The following SIGLEC8 variants were observed in gnomAD, a reference collection of about 807,000 sequenced individuals.
The protein encoded by SIGLEC8 is sialic acid binding Ig like lectin 8.
SIGLEC8 carries 32 observed loss-of-function variants against 42.1 expected under a neutral mutation model. The observed-to-expected ratio is 0.76, with a 90% CI of 0.57 to 1.02. The LOEUF is 1.02. Among genes scored for constraint, SIGLEC8 ranks in the 50% least tolerant of loss-of-function variants. The pLI is 0.00. For missense variants in SIGLEC8, 611 were observed against 610.2 expected (o/e 1.00, Z -0.01); for synonymous variants, 262 against 260.3 (o/e 1.01, Z -0.06).
At position 51,454,444 on chromosome 19, in the gene SIGLEC8, C is replaced by G; in HGVS notation, c.1149-129G>C. 6.5e-7 allele frequency: 1 copy of G among 1,527,578 alleles called. No individual in the cohort carries two copies. Among genetic ancestry groups the G allele is most frequent in the Non-Finnish European group, 8.9e-7 (1 of 1,121,014 alleles). The allele number at this position is 1,527,578 out of a possible 1,614,324, so 94.6% of individuals were successfully genotyped here. A position where few individuals can be genotyped will look rare whatever the true frequency, so the allele number is the denominator to read the frequency against. ...GAGGCGCAACGGCGGTGGTCCAGTT[C>G]CAGAGACCCCAACGGTGAAAACAGA... On this transcript the variant is annotated intron_variant, in intron 5 of 6. Transcript: ENST00000321424. This position sits in a 1 kb window ranked among gnomAD's most constrained non-coding sequence, Gnocchi z 4.7.
chr19:51,452,283 G>C lies in SIGLEC8; in HGVS notation c.*96C>G. The C allele has an allele frequency of 2.8e-6, 3 of 1,060,288 alleles. No homozygotes were observed. Among genetic ancestry groups the C allele is most frequent in the Non-Finnish European group, 2.7e-6 (2 of 732,594 alleles). The allele number at this position is 1,060,288 out of a possible 1,614,324, so 65.7% of individuals were successfully genotyped here. On this transcript the variant is annotated 3_prime_UTR_variant, in exon 7 of 7. Transcript: ENST00000321424. ...TGGGTCCCTGGTAGCCGGGGAAAGG[G>C]GAGACATTGGTCCAAGTTTTGGTTA...
intron 3 of SIGLEC8, 29 bp from the exon 4 acceptor site, chr19:51,455,716 C>T (rs1989475092): frequency 6.3e-7 from 1 of 1,590,710 alleles, no homozygotes; most frequent in Non-Finnish European, 8.6e-7. Context: ...AGGGTCATCC[C>T]ATTACTGGGT....
chr19:51,456,683 G>A (rs1327729025), intron 3 of SIGLEC8, among the ~76,000 whole-genome samples: 1 of 152,148 alleles, frequency 6.6e-6, no homozygotes, highest in African/African-American at 2.4e-5. Context: ...CAAGACTCAG[G>A]GCAGCCTGGA....
chr19:51,457,893 A>G (rs1989536176), intron 1 of SIGLEC8, 41 bp downstream of exon 1: 3 of 1,600,196 alleles, frequency 1.9e-6, no homozygotes, highest in Admixed American at 1.7e-5. Flanking sequence ...TCAGCCCCTC[A>G]TGACCTTCCC....
In SIGLEC8 at chr19:51,452,410, T is replaced by C; in HGVS notation, c.1469A>G (p.His490Arg). The C allele has an allele frequency of 6.2e-7, 1 of 1,608,516 alleles. No homozygotes were observed. Among genetic ancestry groups the C allele is most frequent in the Non-Finnish European group, 8.5e-7 (1 of 1,175,276 alleles). ...TCTGACTTCTTTGCTGGAGGGGTTG[T>C]GATTCCTCAAACAGGCCTGAGTCTC... The part of the protein sequence containing the change: ...TAETQACLRN[H>R]NPSSKEVRG The change falls in exon 7 of 7, where the codon CAC (histidine) becomes CGC (arginine). Residue 490 changes from histidine (H) to arginine (R), a missense_variant. By Grantham distance (29) the His-to-Arg change is conservative. Transcript: ENST00000321424.
At position 51,451,334 on chromosome 19, in the gene SIGLEC8, A is replaced by C. The variant is rs1165964640; in HGVS notation, c.*1045T>G. ...TCAAACAAACAACCTGCAATAAAAAAAAACGTTTTAAATTGGGGGTAAACA... is the reference window on the plus strand; with the variant it reads ...TCAAACAAACAACCTGCAATAAAAACAAACGTTTTAAATTGGGGGTAAACA... On this transcript the variant is annotated 3_prime_UTR_variant, in exon 7 of 7. Transcript: ENST00000321424. 6.6e-6 allele frequency: 1 copy of C among 152,202 alleles called. No homozygotes were observed. Among genetic ancestry groups the C allele is most frequent in the Non-Finnish European group, 1.5e-5 (1 of 68,034 alleles). The allele number at this position is 152,202 out of a possible 1,614,324, so 9.4% of individuals were successfully genotyped here.
Position 51,457,908 on chromosome 19 carries a change from GGCCTGTGCTGGA to G in SIGLEC8, c.454+14_454+25del. ...TCAGCCCCTCATGACCTTCCCCTGTGGCCTGTGCTGGAGCCCGTGCCTTACCTGTCACAAACA... is the reference window on the plus strand; with the variant it reads ...TCAGCCCCTCATGACCTTCCCCTGTGGCCCGTGCCTTACCTGTCACAAACA... On this transcript the variant is annotated intron_variant, in intron 1 of 6. Coordinates refer to ENST00000321424, the MANE Select transcript of SIGLEC8 (RefSeq NM_014442.3). 1.2e-6 allele frequency: 2 copies of G among 1,608,308 alleles called. No homozygotes were observed. The highest frequency in any genetic ancestry group is 1.7e-6 in the Non-Finnish European group (2 of 1,175,382).
intron 6 of SIGLEC8, among the ~76,000 whole-genome samples, chr19:51,453,209 C>A (rs1386393656): frequency 6.6e-6 from 1 of 152,062 alleles, no homozygotes. Flanking sequence ...CCATCTCAGC[C>A]CCCCAAGTAG....
rs563880206 is a variant in SIGLEC8 at position 51,451,343 on chromosome 19, T to C, written c.*1036A>G. ...CAACCTGCAATAAAAAAAAACGTTTTAAATTGGGGGTAAACAAAATAAGTA... is the reference window on the plus strand; with the variant it reads ...CAACCTGCAATAAAAAAAAACGTTTCAAATTGGGGGTAAACAAAATAAGTA... On this transcript the variant is annotated 3_prime_UTR_variant, in exon 7 of 7. Transcript: ENST00000321424. 6.6e-5 allele frequency: 10 copies of C among 150,696 alleles called. No homozygotes were observed. In the South Asian group the frequency reaches 2.1e-3, roughly 32 times the overall value. The allele number at this position is 150,696 out of a possible 1,614,324, so 9.3% of individuals were successfully genotyped here.
In SIGLEC8 at chr19:51,457,703, G is replaced by A. The variant is rs781329176; in HGVS notation, c.491C>T (p.Thr164Ile). 1 of 1,597,362 alleles carries A rather than the reference G, an allele frequency of 6.3e-7. No homozygotes were observed. The highest frequency in any genetic ancestry group is 1.1e-5 in the South Asian group (1 of 88,262). Residue 164 changes from threonine (T) to isoleucine (I), a missense_variant, in exon 2 of 7, where the codon ACC (threonine) becomes ATC (isoleucine). Physicochemically the swap from Thr to Ile is moderately conservative, Grantham distance 89. Transcript: ENST00000321424. ...GTTCCTGGAGTGGCCAGACTCTAGG[G>A]TCCCTAGGATGAGGATGTCAGGCCT... ...THRPDILILG[T>I]LESGHSRNLT...
intron 3 of SIGLEC8, among the ~76,000 whole-genome samples, chr19:51,455,985 A>G (rs190979225): frequency 3.6e-4 from 54 of 151,300 alleles, no homozygotes; most frequent in African/African-American, 1.2e-3. Flanking sequence ...ACAAAAAAAC[A>G]AACACCGCAT....
intron 6 of SIGLEC8, chr19:51,453,697 GAAAAA>G: frequency 1.0e-6 from 1 of 960,594 alleles, no homozygotes; most frequent in Non-Finnish European, 1.2e-6. Context: ...TCTGCCTCGA[GAAAAA>G]AATAAAAATA....
intron 6 of SIGLEC8, chr19:51,453,782 G>A (rs2122141871): frequency 1.0e-6 from 1 of 984,924 alleles, no homozygotes; most frequent in Non-Finnish European, 1.2e-6. Context: ...AGAATTACAG[G>A]GCCTTAATTG....
In SIGLEC8 at chr19:51,454,143, G is replaced by A; in HGVS notation, c.1245+76C>T. Reference sequence around the variant, plus strand: ...AGGAAGTGACTTTGGCCATACCAAAGAGAGCGATCCTGGGGGCCATCCTGT... The same window carrying A: ...AGGAAGTGACTTTGGCCATACCAAAAAGAGCGATCCTGGGGGCCATCCTGT... On this transcript the variant is annotated intron_variant, in intron 6 of 6. Transcript: ENST00000321424. This position sits in a 1 kb window ranked among gnomAD's most constrained non-coding sequence, Gnocchi z 4.7. 6.3e-7 allele frequency: 1 copy of A among 1,598,564 alleles called. No individual in the cohort carries two copies. The highest frequency in any genetic ancestry group is 8.5e-7 in the Non-Finnish European group (1 of 1,171,778).
intron 3 of SIGLEC8, among the ~76,000 whole-genome samples, chr19:51,456,393 C>T (rs1209121530): frequency 6.6e-6 from 1 of 152,204 alleles, no homozygotes; most frequent in Non-Finnish European, 1.5e-5. Flanking sequence ...TAATTGAGAA[C>T]AACTTCACTG....
In SIGLEC8 at chr19:51,453,095, G is replaced by GTTTTTT. The variant is rs202029527; in HGVS notation, c.1246-463_1246-462insAAAAAA. On this transcript the variant is annotated intron_variant, in intron 6 of 6. Transcript: ENST00000321424. ...TTTGTTTTGTTTTGTTTTGTTTTTT[G>GTTTTTT]GTTTTTTTTTTGAGACAGAGTCTGG... is the stretch of plus-strand genomic sequence containing the variant. Among the ~76,000 whole-genome samples, 213 of 149,026 alleles carry GTTTTTT rather than the reference G, an allele frequency of 1.4e-3. 2 individuals carry two copies. Among genetic ancestry groups the GTTTTTT allele is most frequent in the African/African-American group, 5.2e-3 (208 of 40,114 alleles).
chr19:51,457,126 C>G (rs555704175), intron 3 of SIGLEC8, 58 bp downstream of exon 3: 2 of 1,454,890 alleles, frequency 1.4e-6, no homozygotes, highest in African/African-American at 2.8e-5. Flanking sequence ...AGAGACCCAG[C>G]CCCATCCTGA....
In SIGLEC8 at chr19:51,452,536, G is replaced by A. The variant is rs748067574; in HGVS notation, c.1343C>T (p.Ala448Val). The change falls in exon 7 of 7, where the codon GCA becomes GTA. Residue 448 changes from alanine to valine, a missense_variant. Coordinates refer to ENST00000321424, the MANE Select transcript of SIGLEC8 (RefSeq NM_014442.3). ...CTTCACTTTATGGAAGCTGAGGGTT[G>A]CATAATGGAGCTCTCCTTCCTCCCC... is the stretch of plus-strand genomic sequence containing the variant. ...SSGEEGELHY[A>V]TLSFHKVKPQ... 6.3e-7 allele frequency: 1 copy of A among 1,595,266 alleles called. No homozygotes were observed. The highest frequency in any genetic ancestry group is 2.3e-5 in the East Asian group (1 of 44,278).
Position 51,452,740 on chromosome 19 carries a change from T to G in SIGLEC8, c.1246-107A>C. The G allele has an allele frequency of 3.8e-6, 4 of 1,064,232 alleles. No individual in the cohort carries two copies. In the Admixed American group the frequency reaches 1.2e-4, roughly 33 times the overall value. 65.9% of individuals were successfully genotyped at this position (1,064,232 alleles called of 1,614,324 possible). On this transcript the variant is annotated intron_variant, in intron 6 of 6. Transcript: ENST00000321424. ...AGGTCCGTCCTCCATTCATCCCACCTGCATTTTTGTCGAAGTGTCTTTCAT... is the reference window on the plus strand; with the variant it reads ...AGGTCCGTCCTCCATTCATCCCACCGGCATTTTTGTCGAAGTGTCTTTCAT...
Sources: gnomAD v4.1 joint callset for allele counts (sites outside exome capture counted in the v4.1 genomes callset) on GRCh38, gnomAD v4.1.1 for gene constraint, Gnocchi (gnomAD v3.1) non-coding constraint, MANE v1.5 for transcripts, NCBI Gene and HGNC (gene_info 2026-07-23, HGNC 2026-07-21) for gene names.